The following DST variants were observed in gnomAD, a reference collection of about 807,000 sequenced individuals.
The protein encoded by DST is bullous pemphigoid antigen.
A neutral mutation model predicts 875.2 loss-of-function variants in DST; 253 were observed. That is an observed-to-expected ratio of 0.29 (90% CI 0.26 to 0.32). DST has a LOEUF of 0.32. DST is among the 10% of genes least tolerant of loss of function. The probability of loss-of-function intolerance (pLI) is 1.00; values close to 1 mark genes in which losing one functional copy is unlikely to be tolerated. For missense variants in DST, 8,287 were observed against 9,111.6 expected (o/e 0.91, Z 3.68); for synonymous variants, 3,124 against 3,197.1 (o/e 0.98, Z 0.77).
rs2098883084 is a variant in DST at position 56,640,458 on chromosome 6, T to G, written c.2175A>C (p.Leu725Phe). 6.2e-7 allele frequency: 1 copy of G among 1,614,040 alleles called. No homozygotes were observed. The highest frequency in any genetic ancestry group is 1.3e-5 in the African/African-American group (1 of 74,912). Residue 725 changes from leucine to phenylalanine, a missense_variant, in exon 18 of 104, where the codon TTA (leucine) becomes TTC (phenylalanine). Leu to Phe is a conservative substitution (Grantham distance 22). Coordinates refer to ENST00000680361, the MANE Select transcript of DST (RefSeq NM_001374736.1). The part of the protein sequence containing the change: ...QSLNSGFAQT[L>F]HPSLTSGLTQ... The stretch of plus-strand genomic sequence containing the variant: ...TCAGCCCTGAGGTCAGACTAGGGTG[T>G]AAGGTCTGTGCAAATCCTGAGTTTA...
At chr6:56,473,035 G>A (rs181080880) in intron 93 of DST, among the ~76,000 whole-genome samples, 1 of 152,340 alleles carries the variant, frequency 6.6e-6, no homozygotes, top group African/African-American at 2.4e-5. Context: ...AGTAGGTTAA[G>A]CATTTTGTAT....
At chr6:56,841,069 C>G (rs973595874) in intron 4 of DST, among the ~76,000 whole-genome samples, 1 of 152,314 alleles carries the variant, frequency 6.6e-6, no homozygotes, top group African/African-American at 2.4e-5. Context: ...GTACTCTGAA[C>G]GTTTAGTGAA....
intron 4 of DST, among the ~76,000 whole-genome samples, chr6:56,746,050 T>C (rs779364035): frequency 1.3e-5 from 2 of 152,156 alleles, no homozygotes; most frequent in Non-Finnish European, 2.9e-5. Context: ...GGCATGATCA[T>C]AGCTCACTGC....
At chr6:56,783,450 G>C (rs1471513015) in intron 4 of DST, among the ~76,000 whole-genome samples, 1 of 152,226 alleles carries the variant, frequency 6.6e-6, no homozygotes, top group African/African-American at 2.4e-5. Context: ...AGCTCTTCTT[G>C]TTGAATTGAT....
Position 56,606,011 on chromosome 6 carries a change from G to A in DST, c.8617C>T (p.Gln2873Ter). The change falls in exon 40 of 104, where the codon CAA becomes TAA. Residue 2873 changes from glutamine (Q) to a stop codon, truncating the protein, a stop_gained. Transcript: ENST00000680361. LOFTEE classifies it high-confidence loss of function. ...GCTAGCTGTACAACATTTACCCTTTGCTGTTTTTCTAAAGAGCTACAACTG... is the reference window on the plus strand; with the variant it reads ...GCTAGCTGTACAACATTTACCCTTTACTGTTTTTCTAAAGAGCTACAACTG... ...MHSCSSLEKQ[Q>*]RVNVVQLASP... is the part of the protein sequence containing the mutation. 1 of 1,612,564 alleles carries A rather than the reference G, an allele frequency of 6.2e-7. No individual in the cohort carries two copies. Among genetic ancestry groups the A allele is most frequent in the Non-Finnish European group, 8.5e-7 (1 of 1,179,070 alleles).
At chr6:56,744,394 A>G (rs1322377058) in intron 4 of DST, among the ~76,000 whole-genome samples, 1 of 151,488 alleles carries the variant, frequency 6.6e-6, no homozygotes, top group Non-Finnish European at 1.5e-5. Context: ...AAAAAAAGGT[A>G]AACATTAAGT....
chr6:56,907,311 A>G (rs913224765), intron 2 of DST, among the ~76,000 whole-genome samples: 4 of 152,218 alleles, frequency 2.6e-5, no homozygotes, highest in Admixed American at 1.3e-4. Context: ...TGTAACGCAC[A>G]CAATTTTTGT....
rs752653906 is a variant in DST, at chr6:56,608,830, T to C, written c.5798A>G (p.Asp1933Gly). 17 of 1,612,106 alleles carry C rather than the reference T, an allele frequency of 1.1e-5. No individual in the cohort carries two copies. The South Asian group carries it at 1.8e-4, about 17-fold the overall frequency. Residue 1933 changes from aspartate to glycine, a missense_variant, in exon 40 of 104, where the codon GAT (aspartate) becomes GGT (glycine). By Grantham distance (94) the Asp-to-Gly change is moderately conservative. Coordinates refer to ENST00000680361, the MANE Select transcript of DST (RefSeq NM_001374736.1). ...CTGTAAAGTACTTCTTTGTACCATA[T>C]CTATTAAAGAAACCTTCTCAGAGGT... is the stretch of plus-strand genomic sequence containing the variant. Reference protein sequence around the residue: ...PCTSEKVSLIDMVQRSTLQEN... With the variant: ...PCTSEKVSLIGMVQRSTLQEN...
intron 35 of DST, among the ~76,000 whole-genome samples, 153 bp from the exon 36 acceptor site, chr6:56,624,781 C>T (rs2098719193): frequency 6.6e-6 from 1 of 152,162 alleles, no homozygotes; most frequent in Non-Finnish European, 1.5e-5. Flanking sequence ...CTTATTATTA[C>T]TATTATGCAA....
intron 4 of DST, among the ~76,000 whole-genome samples, chr6:56,803,708 C>A (rs541227802): frequency 6.6e-6 from 1 of 152,316 alleles, no homozygotes; most frequent in South Asian, 2.1e-4. Flanking sequence ...AGTTCAAATA[C>A]TTTAATACTG....
chr6:56,663,215 A>G (rs1359177544), intron 10 of DST, among the ~76,000 whole-genome samples: 1 of 152,260 alleles, frequency 6.6e-6, no homozygotes, highest in East Asian at 1.9e-4. Flanking sequence ...ATGCAGACGC[A>G]CTACATTATA....
intron 10 of DST, among the ~76,000 whole-genome samples, chr6:56,653,500 C>T (rs1246679565): frequency 6.6e-6 from 1 of 152,108 alleles, no homozygotes; most frequent in African/African-American, 2.4e-5. Flanking sequence ...GCCTGACCAA[C>T]ATGGCGAAAC....
chr6:56,697,117 CTAGCATCACCCCTGTGTCTCTCAG>C (rs2099268202), intron 9 of DST, among the ~76,000 whole-genome samples: 1 of 152,154 alleles, frequency 6.6e-6, no homozygotes, highest in African/African-American at 2.4e-5. Context: ...GCTTTTCCCC[CTAGCATCACCCCTGTGTCTCTCAG>C]TAGTCTACTG....
chr6:56,602,647 C>G (rs574902396), intron 43 of DST, among the ~76,000 whole-genome samples: 23 of 151,794 alleles, frequency 1.5e-4, no homozygotes, highest in Middle Eastern at 3.4e-3. Flanking sequence ...AAATAAAAAT[C>G]TCAACATGTC....
At chr6:56,475,434 C>CACACACACAA (rs1554218118) in intron 92 of DST, among the ~76,000 whole-genome samples, 2 of 144,620 alleles carry the variant, frequency 1.4e-5, no homozygotes, top group African/African-American at 5.1e-5. Context: ...CACACACACA[C>CACACACACAA]AAAATAATGG....
At chr6:56,626,073 T>C (rs1276667732) in intron 34 of DST, among the ~76,000 whole-genome samples, 5 of 151,848 alleles carry the variant, frequency 3.3e-5, no homozygotes, top group Non-Finnish European at 5.9e-5. Flanking sequence ...AATGTGTTCG[T>C]TGTTTTAAGC....
chr6:56,803,983 A>G (rs1252675000), intron 4 of DST, among the ~76,000 whole-genome samples: 1 of 152,212 alleles, frequency 6.6e-6, no homozygotes, highest in African/African-American at 2.4e-5. Flanking sequence ...CACTGAATCT[A>G]AAGTCCTCAA....
At chr6:56,556,321 T>C (rs1252077461) in intron 59 of DST, among the ~76,000 whole-genome samples, 3 of 152,190 alleles carry the variant, frequency 2.0e-5, no homozygotes, top group Non-Finnish European at 4.4e-5. Flanking sequence ...TTTATTGATG[T>C]TTACAGTCTT....
chr6:56,920,026 G>A (rs778040095), intron 2 of DST, among the ~76,000 whole-genome samples: 31 of 152,088 alleles, frequency 2.0e-4, no homozygotes, highest in Non-Finnish European at 3.8e-4. Flanking sequence ...TATTTTTACA[G>A]CAATTATATA....
Sources: gnomAD v4.1 joint callset for allele counts (sites outside exome capture counted in the v4.1 genomes callset) on GRCh38, gnomAD v4.1.1 for gene constraint, MANE v1.5 for transcripts, NCBI Gene and HGNC (gene_info 2026-07-23, HGNC 2026-07-21) for gene names.